THADA: variants seen among roughly 807,000 people sequenced by gnomAD.
THADA encodes THADA armadillo repeat containing, also known as tRNA (32-2'-O)-methyltransferase regulator THADA.
A neutral mutation model predicts 219.8 loss-of-function variants in THADA; 213 were observed. That is an observed-to-expected ratio of 0.97 (90% CI 0.87 to 1.09). THADA has a LOEUF of 1.09. Among genes scored for constraint, THADA ranks in the 50% least tolerant of loss-of-function variants. THADA has a pLI of 0.00. For synonymous variants in THADA, 1,018 were observed against 828.9 expected, an observed-to-expected ratio of 1.23 and a Z score of -3.92; for missense variants, 2,956 against 2,311.3, an observed-to-expected ratio of 1.28 and a Z score of -5.72.
intron 26 of THADA, among the ~76,000 whole-genome samples, chr2:43,483,866 A>G (rs1348594571): frequency 6.6e-6 from 1 of 151,964 alleles, no homozygotes; most frequent in African/African-American, 2.4e-5. Flanking sequence ...ACTTAATATC[A>G]TATTTCATTT....
intron 26 of THADA, among the ~76,000 whole-genome samples, chr2:43,480,534 T>C (rs553455498): frequency 1.3e-5 from 2 of 152,212 alleles, no homozygotes; most frequent in South Asian, 2.1e-4. Context: ...ATGTTAATAT[T>C]ACCCTGGCCG....
chr2:43,478,737 T>A (rs1315126521), intron 26 of THADA, among the ~76,000 whole-genome samples: 2 of 152,054 alleles, frequency 1.3e-5, no homozygotes, highest in Non-Finnish European at 2.9e-5. Context: ...CACGTAAGAG[T>A]CAATATTTAA....
chr2:43,271,894 C>T (rs989357410), intron 36 of THADA, among the ~76,000 whole-genome samples: 8 of 152,188 alleles, frequency 5.3e-5, no homozygotes, highest in Admixed American at 1.3e-4. Context: ...GGATTACAGG[C>T]GTGAGCCACC....
chr2:43,592,570 C>G, intron 1 of THADA, 154 bp from the exon 2 acceptor site: 1 of 494,590 alleles, frequency 2.0e-6, no homozygotes, highest in Non-Finnish European at 3.5e-6. Flanking sequence ...GTGGCACCCT[C>G]CTCCCTCCCA....
At chr2:43,540,417 T>C (rs1411708254) in intron 21 of THADA, among the ~76,000 whole-genome samples, 1 of 152,180 alleles carries the variant, frequency 6.6e-6, no homozygotes, top group Admixed American at 6.6e-5. Context: ...TAATCAGCAT[T>C]AGCATACTAC....
At chr2:43,361,482 C>T (rs1669517032) in intron 29 of THADA, among the ~76,000 whole-genome samples, 1 of 152,236 alleles carries the variant, frequency 6.6e-6, no homozygotes, top group East Asian at 1.9e-4. Context: ...AGGAGACTCA[C>T]TTCACTCCTC....
chr2:43,417,345 C>T (rs539503661), intron 28 of THADA, among the ~76,000 whole-genome samples: 388 of 152,224 alleles, frequency 2.5e-3, no homozygotes, highest in African/African-American at 8.9e-3. Context: ...CCTCAAGCCA[C>T]ATTCTCTCTT....
At chr2:43,515,085 A>T (rs13003857) in intron 22 of THADA, among the ~76,000 whole-genome samples, 12 of 9,340 alleles carry the variant, frequency 1.3e-3, no homozygotes, top group Non-Finnish European at 2.2e-3. Context: ...AATATATATA[A>T]ATATATATAT....
Position 43,374,858 on chromosome 2 carries a change from C to T in THADA, c.4227+23113G>A, listed in dbSNP as rs368899963. Among the ~76,000 whole-genome samples, 161 of 151,878 alleles carry T rather than the reference C, an allele frequency of 1.1e-3. 2 individuals carry two copies. The highest frequency in any genetic ancestry group is 3.7e-3 in the African/African-American group (153 of 41,424). On this transcript the variant is annotated intron_variant, in intron 29 of 37. Coordinates refer to ENST00000405975, the MANE Select transcript of THADA (RefSeq NM_022065.5). Reference sequence around the variant, plus strand: ...ATACTGAAGGGGAATTAGTCTACACCAAATTGTAAAACACATATTGTAAAG... The same window carrying T: ...ATACTGAAGGGGAATTAGTCTACACTAAATTGTAAAACACATATTGTAAAG...
chr2:43,477,110 A>T (rs1350472272), intron 26 of THADA, among the ~76,000 whole-genome samples: 1 of 152,216 alleles, frequency 6.6e-6, no homozygotes, highest in Non-Finnish European at 1.5e-5. Flanking sequence ...TCAAATATAT[A>T]TGTCTTTCTC....
intron 28 of THADA, among the ~76,000 whole-genome samples, chr2:43,399,477 C>T (rs1206435307): frequency 6.6e-6 from 1 of 152,132 alleles, no homozygotes; most frequent in Non-Finnish European, 1.5e-5. Context: ...AATACAGATA[C>T]AATTTCTGTA....
intron 30 of THADA, among the ~76,000 whole-genome samples, chr2:43,330,542 C>T (rs1461964397): frequency 6.6e-6 from 1 of 152,198 alleles, no homozygotes; most frequent in Middle Eastern, 3.2e-3. Flanking sequence ...GCCAGGCCAG[C>T]GCACTGCCGT....
intron 29 of THADA, among the ~76,000 whole-genome samples, chr2:43,377,384 T>C (rs545240542): frequency 1.2e-4 from 19 of 152,120 alleles, no homozygotes; most frequent in African/African-American, 4.1e-4. Flanking sequence ...TCTTTAGACA[T>C]AGATTTTTTT....
chr2:43,513,083 T>C (rs1475557911), intron 22 of THADA, among the ~76,000 whole-genome samples: 2 of 152,210 alleles, frequency 1.3e-5, no homozygotes, highest in Non-Finnish European at 2.9e-5. Flanking sequence ...CAAGGCAATT[T>C]ACTAAATTTC....
At chr2:43,513,827 G>A (rs1444935082) in intron 22 of THADA, among the ~76,000 whole-genome samples, 1 of 152,084 alleles carries the variant, frequency 6.6e-6, no homozygotes, top group African/African-American at 2.4e-5. Context: ...CTAATTTTAT[G>A]GAGCAGTCTG....
intron 20 of THADA, among the ~76,000 whole-genome samples, chr2:43,543,503 T>C (rs1695596827): frequency 6.6e-6 from 1 of 150,734 alleles, no homozygotes; most frequent in African/African-American, 2.4e-5. Context: ...AGTGTAAAAG[T>C]GTTCCTATTT....
intron 31 of THADA, among the ~76,000 whole-genome samples, chr2:43,311,176 CAA>C (rs375415765): frequency 1.6e-5 from 2 of 124,028 alleles, no homozygotes; most frequent in African/African-American, 3.0e-5. Context: ...AACTCCGTCT[CAA>C]AAAAAAAAAA....
intron 29 of THADA, among the ~76,000 whole-genome samples, chr2:43,362,026 A>T (rs1386299612): frequency 6.6e-6 from 1 of 152,228 alleles, no homozygotes; most frequent in Non-Finnish European, 1.5e-5. Context: ...TGAGAGAGGA[A>T]AACTCTTTAA....
intron 24 of THADA, 82 bp downstream of exon 24, chr2:43,505,540 C>T (rs891624124): frequency 2.6e-5 from 27 of 1,040,632 alleles, no homozygotes; most frequent in Non-Finnish European, 3.2e-5. Flanking sequence ...GGTAACAAGA[C>T]GGTAACAGCC....
Sources: allele counts gnomAD v4.1 joint callset (sites outside exome capture counted in the v4.1 genomes callset), GRCh38; gene constraint gnomAD v4.1.1; transcripts MANE v1.5; gene names NCBI Gene and HGNC (gene_info 2026-07-23, HGNC 2026-07-21).